LARP4B: variants seen among roughly 807,000 people sequenced by gnomAD.
The protein encoded by LARP4B is la-related protein 4B.
In LARP4B, 12 loss-of-function variants were observed where a neutral mutation model predicts 89.8. That is an observed-to-expected ratio of 0.13 (90% CI 0.09 to 0.22). The LOEUF is 0.22. Ranked by LOEUF, LARP4B falls within the 10% of genes least tolerant of loss-of-function variation. The pLI is 1.00. For synonymous variants in LARP4B, 367 were observed against 363.3 expected (o/e 1.01, Z -0.12); for missense variants, 757 against 947.7 (o/e 0.80, Z 2.64).
rs765669211 is a variant in LARP4B, at chr10:812,989, C to T, written c.2154G>A (p.Ser718=). The change falls in exon 18 of 18, where the codon TCG becomes TCA. Residue 718 remains serine (S), a synonymous_variant. Coordinates refer to ENST00000316157, the MANE Select transcript of LARP4B (RefSeq NM_015155.3). Reference sequence around the variant, plus strand: ...TGAGACGCTTCCCCATGGCCGAGGGCGAGGGCCGGCCCCCCGCCGGCCGCC... The same window carrying T: ...TGAGACGCTTCCCCATGGCCGAGGGTGAGGGCCGGCCCCCCGCCGGCCGCC... ...DQRRPAGGRP[S]PSAMGKRLSR... The T allele has an allele frequency of 3.7e-5, 58 of 1,584,974 alleles. No homozygotes were observed. Among genetic ancestry groups the T allele is most frequent in the Non-Finnish European group, 4.7e-5 (55 of 1,172,672 alleles).
At chr10:860,611 A>G (rs946550132) in intron 5 of LARP4B, among the ~76,000 whole-genome samples, 2 of 152,214 alleles carry the variant, frequency 1.3e-5, no homozygotes, top group African/African-American at 2.4e-5. Context: ...AGAAAAACAA[A>G]CTGTGATCTA....
chr10:976,691 G>A, the LARP4B span, among the ~76,000 whole-genome samples: 3 of 146,614 alleles, frequency 2.0e-5, no homozygotes, highest in Admixed American at 6.7e-5. Flanking sequence ...GTGTGGCCCG[G>A]CCTAGTAGAA....
intron 1 of LARP4B, among the ~76,000 whole-genome samples, chr10:901,743 T>C (rs1257907365): frequency 6.6e-6 from 1 of 152,196 alleles, no homozygotes; most frequent in African/African-American, 2.4e-5. Context: ...CCTAAGGAGA[T>C]GTTGCCAATA....
rs1588921369 is a variant in LARP4B, at chr10:858,428, C to T, written c.430+5315G>A. On this transcript the variant is annotated intron_variant, in intron 5 of 17. Transcript: ENST00000316157. ...TGATCAAAGATCTAAATGTAAGACC[C>T]GAAATGATAAAACTCAGACGAAAAC... is the stretch of plus-strand genomic sequence containing the variant. Among the ~76,000 whole-genome samples, 4 of 151,996 alleles carry T rather than the reference C, an allele frequency of 2.6e-5. No homozygotes were observed. In the South Asian group the frequency reaches 8.3e-4, roughly 32 times the overall value.
the LARP4B span, among the ~76,000 whole-genome samples, chr10:975,991 G>A: frequency 3.0e-5 from 4 of 132,866 alleles, no homozygotes; most frequent in South Asian, 5.4e-4. Flanking sequence ...GGCCTGTCAC[G>A]TAATGTGTGG....
chr10:860,395 A>G (rs11598936), intron 5 of LARP4B, among the ~76,000 whole-genome samples: 1,777 of 152,288 alleles, frequency 0.012, 77 homozygotes, highest in Admixed American at 0.071. Context: ...TGGTACCACC[A>G]CTTTGGAAAA....
chr10:853,870 C>A (rs75003287), intron 5 of LARP4B, among the ~76,000 whole-genome samples: 1 of 152,112 alleles, frequency 6.6e-6, no homozygotes, highest in African/African-American at 2.4e-5. Flanking sequence ...ATCACGTGGA[C>A]GGACTCTTGC....
chr10:885,330 T>G (rs867226641), intron 2 of LARP4B, among the ~76,000 whole-genome samples: 1 of 151,902 alleles, frequency 6.6e-6, no homozygotes, highest in Admixed American at 6.5e-5. Context: ...TGCATTAGAC[T>G]TCGCAAAAAA....
intron 4 of LARP4B, 93 bp from the exon 5 acceptor site, chr10:863,976 G>C (rs1057488701): frequency 1.3e-6 from 2 of 1,546,816 alleles, no homozygotes; most frequent in South Asian, 2.5e-5. Flanking sequence ...AACTTCTTTA[G>C]ACTGTAAAAG....
chr10:911,189 G>C (rs1031694875), intron 1 of LARP4B, among the ~76,000 whole-genome samples: 9 of 152,102 alleles, frequency 5.9e-5, no homozygotes, highest in African/African-American at 2.2e-4. Flanking sequence ...ATTAATCTGT[G>C]TACCTAATTG....
chr10:987,613 C>A, the LARP4B span: 5 of 152,220 alleles, frequency 3.3e-5, no homozygotes, highest in African/African-American at 1.2e-4. Flanking sequence ...CAGCTCTGAA[C>A]ACTGCTTGAC....
At chr10:886,888 G>T (rs934041147) in intron 1 of LARP4B, among the ~76,000 whole-genome samples, 2 of 152,198 alleles carry the variant, frequency 1.3e-5, no homozygotes, top group Non-Finnish European at 2.9e-5. Context: ...TCAGGAGTTC[G>T]AGACCTGTCT....
At chr10:820,920 A>G in intron 13 of LARP4B, 75 bp from the exon 14 acceptor site, 1 of 1,287,922 alleles carries the variant, frequency 7.8e-7, no homozygotes, top group Non-Finnish European at 1.1e-6. Context: ...GTTTGCACTC[A>G]CATAATCAAA....
Position 881,068 on chromosome 10 carries a change from A to T in LARP4B, c.141+3379T>A, listed in dbSNP as rs548141860. Among the ~76,000 whole-genome samples, 46 of 152,324 alleles carry T rather than the reference A, an allele frequency of 3.0e-4. 2 individuals carry two copies. In the East Asian group the frequency reaches 6.5e-3, roughly 22 times the overall value. ...CCCTGAGTGGGCTTCAGGAGGGGCA[A>T]AAAGCCGCTGAGAATGATGTTTGCT... On this transcript the variant is annotated intron_variant, in intron 3 of 17. Transcript: ENST00000316157.
the LARP4B span, among the ~76,000 whole-genome samples, chr10:937,334 C>T: frequency 1.3e-5 from 2 of 152,188 alleles, no homozygotes; most frequent in South Asian, 2.1e-4. Flanking sequence ...TGAGCCACCA[C>T]ACCTGGCCAG....
chr10:807,373 G>A (rs1356795869), downstream of LARP4B: 5 of 152,270 alleles, frequency 3.3e-5, no homozygotes, highest in African/African-American at 7.2e-5. Context: ...TGGGAAAAGC[G>A]GCTGCTCCGG....
chr10:933,217 T>TC (rs1830703378), upstream of LARP4B: 1 of 152,208 alleles, frequency 6.6e-6, no homozygotes, highest in African/African-American at 2.4e-5. Flanking sequence ...TTAGGTTTGT[T>TC]CCCCCATTAA....
intron 13 of LARP4B, among the ~76,000 whole-genome samples, chr10:824,494 AAAACAAAC>A (rs149582198): frequency 7.4e-4 from 112 of 151,994 alleles, no homozygotes; most frequent in Middle Eastern, 3.4e-3. Context: ...CCCTGTCTTA[AAAACAAAC>A]AAACAAACAA....
At chr10:815,139 T>A in intron 15 of LARP4B, 69 bp from the exon 16 acceptor site, 1 of 1,493,744 alleles carries the variant, frequency 6.7e-7, no homozygotes, top group Non-Finnish European at 8.9e-7. Context: ...CAGTGCCCGT[T>A]CACCCCACCC....
Sources: gnomAD v4.1 joint callset for allele counts (sites outside exome capture counted in the v4.1 genomes callset) on GRCh38, gnomAD v4.1.1 for gene constraint, MANE v1.5 for transcripts, NCBI Gene and HGNC (gene_info 2026-07-23, HGNC 2026-07-21) for gene names.